USP47: variants seen among roughly 807,000 people sequenced by gnomAD.
USP47 encodes the protein ubiquitin carboxyl-terminal hydrolase 47.
Under a neutral mutation model 165.1 loss-of-function variants are expected in USP47, and 35 were observed. That is an observed-to-expected ratio of 0.21 (90% CI 0.16 to 0.28). USP47 has a LOEUF of 0.28. Among genes scored for constraint, USP47 ranks in the 10% least tolerant of loss-of-function variants. The pLI is 1.00. For missense variants in USP47, 1,277 were observed against 1,607.4 expected (o/e 0.79, Z 3.52); for synonymous variants, 531 against 544.5 (o/e 0.98, Z 0.35).
At chr11:11,884,612 T>G (rs778767206) in intron 3 of USP47, 32 bp downstream of exon 3, 10 of 1,527,172 alleles carry the variant, frequency 6.5e-6, no homozygotes, top group Admixed American at 2.0e-5. Context: ...ATATTTATAA[T>G]TTTTGTGCAC....
At position 11,934,001 on chromosome 11, in the gene USP47, T is replaced by C. The variant is rs77216616; in HGVS notation, c.1869+66T>C. On this transcript the variant is annotated intron_variant, in intron 16 of 27. Coordinates refer to ENST00000527733, the MANE Select transcript of USP47 (RefSeq NM_001282659.2). The stretch of plus-strand genomic sequence containing the variant: ...ACAGTATTAACATAATTTCCCAAGT[T>C]TTTATAATGGATAATAGTTATATAA... 1.1e-3 allele frequency: 1,309 copies of C among 1,163,812 alleles called. 16 individuals are homozygous for C. In the African/African-American group the frequency reaches 0.018, roughly 16 times the overall value. 72.1% of individuals were successfully genotyped at this position (1,163,812 alleles called of 1,614,324 possible).
At chr11:11,907,226 CT>C (rs1206440607) in intron 8 of USP47, among the ~76,000 whole-genome samples, 2 of 152,158 alleles carry the variant, frequency 1.3e-5, no homozygotes, top group Non-Finnish European at 2.9e-5. Flanking sequence ...AAATGGAATT[CT>C]CCAAAGGTAG....
At position 11,956,030 on chromosome 11, in the gene USP47, C is replaced by T; in HGVS notation, c.3923C>T (p.Thr1308Ile). 6.3e-7 allele frequency: 1 copy of T among 1,584,742 alleles called. No individual in the cohort carries two copies. The highest frequency in any genetic ancestry group is 8.5e-7 in the Non-Finnish European group (1 of 1,170,080). Residue 1308 changes from threonine to isoleucine, a missense_variant, in exon 28 of 28, where the codon ACA (threonine) becomes ATA (isoleucine). Physicochemically the swap from Thr to Ile is moderately conservative, Grantham distance 89. This residue lies in a region of USP47 where 909 missense variants were observed against 1,068.1 expected (regional missense o/e 0.85). Coordinates refer to ENST00000527733, the MANE Select transcript of USP47 (RefSeq NM_001282659.2). Reference sequence around the variant, plus strand: ...AAAACAGAAGAATTAATGGAATTGACAGATGAGCAAAGAAATGAACTGATG... The same window carrying T: ...AAAACAGAAGAATTAATGGAATTGATAGATGAGCAAAGAAATGAACTGATG... ...RDKTEELMEL[T>I]DEQRNELMKK...
intron 1 of USP47, among the ~76,000 whole-genome samples, chr11:11,868,188 C>G (rs1339720178): frequency 1.3e-5 from 2 of 152,184 alleles, no homozygotes; most frequent in African/African-American, 4.8e-5. Context: ...CTATAATACA[C>G]TATCAGAACC....
intron 1 of USP47, among the ~76,000 whole-genome samples, chr11:11,877,604 AATT>A (rs780237992): frequency 7.2e-4 from 109 of 152,172 alleles, no homozygotes; most frequent in Non-Finnish European, 1.2e-3. Context: ...TTATTAAGTA[AATT>A]ATTATTAATC....
In USP47 at chr11:11,961,707, A is replaced by C. The variant is rs553486783; in HGVS notation, c.*5532A>C. Among the ~76,000 whole-genome samples, 2 of 152,324 alleles carry C rather than the reference A, an allele frequency of 1.3e-5. No homozygotes were observed. The highest frequency in any genetic ancestry group is 4.8e-5 in the African/African-American group (2 of 41,588). ...TTTGTCAATTGGGAAAAAATTCCAG[A>C]AACTCTGGGAGCCCTCCCCTTACAT... On this transcript the variant is annotated 3_prime_UTR_variant, in exon 28 of 28. Coordinates refer to ENST00000527733, the MANE Select transcript of USP47 (RefSeq NM_001282659.2).
At chr11:11,857,081 T>C (rs1365940681) in intron 1 of USP47, among the ~76,000 whole-genome samples, 1 of 152,012 alleles carries the variant, frequency 6.6e-6, no homozygotes, top group Non-Finnish European at 1.5e-5. Flanking sequence ...TTAATAAAAA[T>C]AAAATATTTA....
chr11:11,877,624 C>G (rs2134284967), intron 1 of USP47, among the ~76,000 whole-genome samples: 1 of 152,180 alleles, frequency 6.6e-6, no homozygotes, highest in African/African-American at 2.4e-5. Context: ...AATCCGTATA[C>G]TAACAAATAC....
At chr11:11,880,442 A>G in intron 2 of USP47, 62 bp downstream of exon 2, 1 of 1,188,028 alleles carries the variant, frequency 8.4e-7, no homozygotes, top group Non-Finnish European at 1.1e-6. Flanking sequence ...GTTGTTACTG[A>G]TGATAATGTT....
intron 3 of USP47, 66 bp from the exon 4 acceptor site, chr11:11,891,902 A>G (rs1370772490): frequency 1.0e-5 from 16 of 1,547,844 alleles, no homozygotes; most frequent in Non-Finnish European, 1.3e-5. Context: ...CCTACAGGAA[A>G]TGGTGAATGC....
chr11:11,951,670 A>G (rs948217172), intron 24 of USP47: 1 of 152,222 alleles, frequency 6.6e-6, no homozygotes, highest in Non-Finnish European at 1.5e-5. Context: ...AGAGAGCTCA[A>G]TAATACTAAC....
At chr11:11,854,337 C>T (rs1346569228) in intron 1 of USP47, among the ~76,000 whole-genome samples, 1 of 146,948 alleles carries the variant, frequency 6.8e-6, no homozygotes, top group African/African-American at 2.4e-5. Context: ...CAGGACACTA[C>T]AGCTGGAGTC....
intron 17 of USP47, 143 bp downstream of exon 17, chr11:11,936,653 C>A: frequency 1.6e-6 from 1 of 619,150 alleles, no homozygotes; most frequent in African/African-American, 1.9e-5. Context: ...TTGAGAAGTA[C>A]TCAGCAACAG....
chr11:11,858,392 ATTAT>A (rs898980188), intron 1 of USP47, among the ~76,000 whole-genome samples: 3 of 152,270 alleles, frequency 2.0e-5, no homozygotes, highest in African/African-American at 7.2e-5. Flanking sequence ...TTACTGAGGT[ATTAT>A]TTATATATAG....
In USP47 at chr11:11,930,985, A is replaced by G. The variant is rs543298109; in HGVS notation, c.1651+234A>G. On this transcript the variant is annotated intron_variant, in intron 14 of 27. Transcript: ENST00000527733. Reference sequence around the variant, plus strand: ...AGACAAAACTACATTAAATAAATTGAATGTTTATTAGTAGTAAGATTATAT... The same window carrying G: ...AGACAAAACTACATTAAATAAATTGGATGTTTATTAGTAGTAAGATTATAT... Among the ~76,000 whole-genome samples the G allele has an allele frequency of 1.1e-4, 16 of 152,266 alleles. No homozygotes were observed. In the South Asian group the frequency reaches 3.3e-3, roughly 32 times the overall value.
At chr11:11,875,303 T>C (rs1297599712) in intron 1 of USP47, among the ~76,000 whole-genome samples, 2 of 152,174 alleles carry the variant, frequency 1.3e-5, no homozygotes, top group Admixed American at 6.5e-5. Flanking sequence ...ATACGATCAA[T>C]TTTAAACCTC....
intron 1 of USP47, chr11:11,873,883 T>C: frequency 7.3e-7 from 1 of 1,372,370 alleles, no homozygotes. Flanking sequence ...GTAATTGCTT[T>C]AATGTGATAA....
At chr11:11,934,676 G>C (rs1854925417) in intron 16 of USP47, among the ~76,000 whole-genome samples, 1 of 152,074 alleles carries the variant, frequency 6.6e-6, no homozygotes. Context: ...ACCATAAAAT[G>C]AAATTAGAGA....
At position 11,928,199 on chromosome 11, in the gene USP47, G is replaced by T. The variant is rs144191214; in HGVS notation, c.1387-1235G>T. Among the ~76,000 whole-genome samples the T allele has an allele frequency of 4.1e-3, 627 of 152,022 alleles. 7 individuals carry two copies. Among genetic ancestry groups the T allele is most frequent in the African/African-American group, 0.014 (579 of 41,510 alleles). On this transcript the variant is annotated intron_variant, in intron 11 of 27. Transcript: ENST00000527733. ...TATCATTCAGTGATATCAAAATTTT[G>T]TCTAGTGTATTTACTACATTCAAAG...
Sources: allele counts gnomAD v4.1 joint callset (sites outside exome capture counted in the v4.1 genomes callset), GRCh38; gene constraint gnomAD v4.1.1; regional missense constraint gnomAD v4.1.1; transcripts MANE v1.5; gene names NCBI Gene and HGNC (gene_info 2026-07-23, HGNC 2026-07-21).